PRDM1: variants seen among roughly 807,000 people sequenced by gnomAD.
PRDM1 encodes the protein PR domain zinc finger protein 1.
In PRDM1, 13 loss-of-function variants were observed where a neutral mutation model predicts 62.8. The observed-to-expected ratio is 0.21, with a 90% CI of 0.13 to 0.33. The LOEUF (loss-of-function observed/expected upper bound fraction) is 0.33, where lower values mean the gene tolerates loss of function less well. Ranked by LOEUF, PRDM1 falls within the 10% of genes least tolerant of loss-of-function variation. The probability of loss-of-function intolerance (pLI) is 1.00; values close to 1 mark genes in which losing one functional copy is unlikely to be tolerated. For missense variants in PRDM1, 895 were observed against 1,058.8 expected (o/e 0.85, Z 2.15); for synonymous variants, 396 against 417.6 (o/e 0.95, Z 0.63).
intron 1 of PRDM1, among the ~76,000 whole-genome samples, chr6:106,004,001 G>C (rs1772456879): frequency 6.6e-6 from 1 of 152,128 alleles, no homozygotes; most frequent in Non-Finnish European, 1.5e-5. Flanking sequence ...GTTTGGCAAA[G>C]AGTCATTTTG....
chr6:106,066,001 C>T (rs535340120), intron 1 of PRDM1, among the ~76,000 whole-genome samples: 17 of 152,230 alleles, frequency 1.1e-4, no homozygotes, highest in Middle Eastern at 3.4e-3. Flanking sequence ...CTTGCCCTTG[C>T]CCATGGAAGC....
At chr6:106,025,559 T>A (rs1220274985) in intron 1 of PRDM1, among the ~76,000 whole-genome samples, 1 of 152,216 alleles carries the variant, frequency 6.6e-6, no homozygotes, top group Non-Finnish European at 1.5e-5. Flanking sequence ...AAATCTTGAA[T>A]CTGCTTTTTA....
chr6:106,103,795 T>C (rs1242767404), intron 4 of PRDM1, among the ~76,000 whole-genome samples: 1 of 152,182 alleles, frequency 6.6e-6, no homozygotes, highest in African/African-American at 2.4e-5. Context: ...TGTTCTGTTT[T>C]CTTGGGTGCG....
chr6:106,063,046 G>A (rs546832414), intron 1 of PRDM1, among the ~76,000 whole-genome samples: 113 of 152,252 alleles, frequency 7.4e-4, no homozygotes, highest in Non-Finnish European at 1.4e-3. Flanking sequence ...TAGTCCTTTC[G>A]TTGTGTTGTT....
chr6:106,026,347 C>T (rs1386057636), intron 1 of PRDM1, among the ~76,000 whole-genome samples: 3 of 152,114 alleles, frequency 2.0e-5, no homozygotes, highest in South Asian at 2.1e-4. Flanking sequence ...GGTATGGTGG[C>T]GCGTGCCTGT....
rs188675948 is a variant in PRDM1, at chr6:106,075,848, C to T, written c.-66-12353C>T. Reference sequence around the variant, plus strand: ...CTGGTACTACAGGCATGCGACACTGCGCACAGCTAGTAAGATTATTTTTCA... The same window carrying T: ...CTGGTACTACAGGCATGCGACACTGTGCACAGCTAGTAAGATTATTTTTCA... On this transcript the variant is annotated intron_variant, in intron 1 of 6. Transcript: ENST00000651185. 1.1e-4 allele frequency among the ~76,000 whole-genome samples: 16 copies of T among 152,040 alleles called. No homozygotes were observed. In the East Asian group the frequency reaches 1.5e-3, roughly 15 times the overall value.
Position 106,107,579 on chromosome 6 carries a change from C to A in PRDM1, c.*93C>A. On this transcript the variant is annotated 3_prime_UTR_variant, in exon 7 of 7. Transcript: ENST00000369096. ...TGGCTTGTACATAATCCCAGCTCTG[C>A]AAAGCTCTCTCGACAGCAAATGGTT... 8.7e-7 allele frequency: 1 copy of A among 1,150,592 alleles called. No homozygotes were observed. Among genetic ancestry groups the A allele is most frequent in the Non-Finnish European group, 1.2e-6 (1 of 828,518 alleles). The allele number at this position is 1,150,592 out of a possible 1,614,324, so 71.3% of individuals were successfully genotyped here. A position where few individuals can be genotyped will look rare whatever the true frequency, so the allele number is the denominator to read the frequency against.
intron 1 of PRDM1, among the ~76,000 whole-genome samples, chr6:105,999,204 G>T (rs558965038): frequency 7.9e-4 from 120 of 151,772 alleles, no homozygotes; most frequent in South Asian, 4.2e-3. Flanking sequence ...TTCCCAAAGT[G>T]CTGGTAATAC....
At chr6:106,085,607 C>T (rs566784969), upstream of PRDM1, among the ~76,000 whole-genome samples, 51 of 152,268 alleles carry the variant, frequency 3.3e-4, no homozygotes, top group Non-Finnish European at 1.6e-4. Flanking sequence ...TTACTGCCTC[C>T]GACCGCTTTC....
At chr6:106,102,173 C>T (rs1288821085) in intron 4 of PRDM1, among the ~76,000 whole-genome samples, 7 of 152,176 alleles carry the variant, frequency 4.6e-5, no homozygotes, top group Admixed American at 4.6e-4. Flanking sequence ...TTAAGCCATT[C>T]GGAGTCTTCA....
chr6:106,060,970 C>G (rs145318514), intron 1 of PRDM1, among the ~76,000 whole-genome samples: 135 of 152,238 alleles, frequency 8.9e-4, no homozygotes, highest in African/African-American at 3.2e-3. Flanking sequence ...GTGTAGCAGA[C>G]ACCTGATGTC....
At chr6:106,004,272 C>T (rs1479101472) in intron 1 of PRDM1, among the ~76,000 whole-genome samples, 1 of 151,390 alleles carries the variant, frequency 6.6e-6, no homozygotes, top group Non-Finnish European at 1.5e-5. Flanking sequence ...TGCATCTATC[C>T]ATGGATACGA....
chr6:106,026,507 T>A (rs182449299), intron 1 of PRDM1, among the ~76,000 whole-genome samples: 1 of 151,372 alleles, frequency 6.6e-6, no homozygotes, highest in Non-Finnish European at 1.5e-5. Context: ...ATAATAATAA[T>A]AAAATAAAAT....
intron 1 of PRDM1, among the ~76,000 whole-genome samples, chr6:106,049,376 T>C (rs1773134755): frequency 6.6e-6 from 1 of 152,226 alleles, no homozygotes; most frequent in Admixed American, 6.5e-5. Flanking sequence ...TCTATATGAA[T>C]GTGCTTTCCA....
intron 1 of PRDM1, among the ~76,000 whole-genome samples, chr6:106,055,478 A>C (rs1220979723): frequency 6.6e-6 from 1 of 152,176 alleles, no homozygotes; most frequent in Non-Finnish European, 1.5e-5. Flanking sequence ...TTGTTAGAAC[A>C]CTTTAAATGG....
intron 1 of PRDM1, among the ~76,000 whole-genome samples, chr6:105,999,501 C>T (rs961755966): frequency 2.6e-5 from 4 of 152,088 alleles, no homozygotes; most frequent in Admixed American, 6.6e-5. Flanking sequence ...CAGGGGCACT[C>T]CTCCTGTGGA....
chr6:106,083,629 G>C (rs1396866179), upstream of PRDM1, among the ~76,000 whole-genome samples: 1 of 152,194 alleles, frequency 6.6e-6, no homozygotes, highest in African/African-American at 2.4e-5. Flanking sequence ...GAATAGATGA[G>C]AATTTCTGAG....
At chr6:105,999,807 AT>A (rs1772406162) in intron 1 of PRDM1, among the ~76,000 whole-genome samples, 1 of 152,198 alleles carries the variant, frequency 6.6e-6, no homozygotes. Context: ...ATTTCAGAGT[AT>A]TTTAAGTTAT....
At chr6:106,008,597 C>A (rs1166660922) in intron 1 of PRDM1, among the ~76,000 whole-genome samples, 1 of 152,126 alleles carries the variant, frequency 6.6e-6, no homozygotes, top group African/African-American at 2.4e-5. Flanking sequence ...ATAAGTCAAG[C>A]GGCTCTCTAG....
Sources: gnomAD v4.1 joint callset for allele counts (sites outside exome capture counted in the v4.1 genomes callset) on GRCh38, gnomAD v4.1.1 for gene constraint, MANE v1.5 for transcripts, NCBI Gene and HGNC (gene_info 2026-07-23, HGNC 2026-07-21) for gene names.